The following CASK variants were observed in gnomAD, a reference collection of about 807,000 sequenced individuals.
The protein encoded by CASK is peripheral plasma membrane protein CASK.
A neutral mutation model predicts 82.9 loss-of-function variants in CASK; 4 were observed. That is an observed-to-expected ratio of 0.05 (90% CI 0.02 to 0.11). The LOEUF is 0.11. Ranked by LOEUF, CASK falls within the 10% of genes least tolerant of loss-of-function variation. The pLI is 1.00. For missense variants in CASK, 358 were observed against 720.9 expected, an observed-to-expected ratio of 0.50 and a Z score of 5.76; for synonymous variants, 259 against 253.5, an observed-to-expected ratio of 1.02 and a Z score of -0.20.
intron 14 of CASK, among the ~76,000 whole-genome samples, chrX:41,581,397 A>G (rs1423752150): frequency 9.1e-6 from 1 of 110,203 alleles, no homozygotes; most frequent in Non-Finnish European, 1.9e-5. Flanking sequence ...AAAAAAACAC[A>G]GAATTTTAAA....
intron 17 of CASK, among the ~76,000 whole-genome samples, chrX:41,560,815 CG>C (rs1203815264): frequency 1.8e-5 from 2 of 108,265 alleles, no homozygotes; most frequent in Admixed American, 2.0e-4. Context: ...CCCTTGAACT[CG>C]GGGGGCAGAG....
At position 41,531,584 on chromosome X, in the gene CASK, A is replaced by G. The variant is rs760429558; in HGVS notation, c.2318-375T>C. On this transcript the variant is annotated intron_variant, in intron 24 of 26. Coordinates refer to ENST00000378163, the MANE Select transcript of CASK (RefSeq NM_001367721.1). Reference sequence around the variant, plus strand: ...AGAAGGAAAAAAGGAGAATAAAAAAATGGAAAACTGCATATGGTTAAATTT... The same window carrying G: ...AGAAGGAAAAAAGGAGAATAAAAAAGTGGAAAACTGCATATGGTTAAATTT... Among the ~76,000 whole-genome samples, 3 of 112,551 alleles carry G rather than the reference A, an allele frequency of 2.7e-5. No individual in the cohort carries two copies. The South Asian group carries it at 1.1e-3, about 41-fold the overall frequency.
At chrX:41,907,588 C>G (rs929974661) in intron 1 of CASK, among the ~76,000 whole-genome samples, 13 of 111,566 alleles carry the variant, frequency 1.2e-4, no homozygotes, top group African/African-American at 4.2e-4. Context: ...TAAAACTCTC[C>G]CAGTAAACAT....
chrX:41,657,544 C>T, intron 8 of CASK, among the ~76,000 whole-genome samples: 1 of 110,517 alleles, frequency 9.0e-6, no homozygotes, highest in South Asian at 3.8e-4. Context: ...TTGTTTGAGA[C>T]AGAGTTTCGC....
intron 12 of CASK, among the ~76,000 whole-genome samples, chrX:41,599,490 A>C (rs758756507): frequency 2.7e-5 from 3 of 112,205 alleles, no homozygotes; most frequent in Non-Finnish European, 5.6e-5. Context: ...CTGACAGCAA[A>C]AGAACCTCTA....
chrX:41,758,686 C>T (rs1034246879), intron 3 of CASK, among the ~76,000 whole-genome samples: 5 of 111,306 alleles, frequency 4.5e-5, no homozygotes, highest in African/African-American at 1.3e-4. Flanking sequence ...GGAGCTAAGG[C>T]CTCCTCTTGC....
intron 1 of CASK, among the ~76,000 whole-genome samples, chrX:41,859,630 G>A (rs976445740): frequency 1.8e-5 from 2 of 111,740 alleles, no homozygotes; most frequent in African/African-American, 6.5e-5. Context: ...TAGTGCTGAA[G>A]GGACTGTCTA....
At chrX:41,776,603 A>G (rs1271803933) in intron 3 of CASK, among the ~76,000 whole-genome samples, 2 of 112,469 alleles carry the variant, frequency 1.8e-5, no homozygotes, top group East Asian at 5.5e-4. Context: ...GGAATTAATG[A>G]AGCCTGATGA....
chrX:41,843,570 C>T (rs2071090534), intron 2 of CASK, among the ~76,000 whole-genome samples: 1 of 111,813 alleles, frequency 8.9e-6, no homozygotes, highest in South Asian at 3.7e-4. Flanking sequence ...AATTTGTCCA[C>T]AAAGTATACA....
chrX:41,790,144 C>A, intron 2 of CASK: 1 of 790,506 alleles, frequency 1.3e-6, no homozygotes, highest in Non-Finnish European at 1.6e-6. Flanking sequence ...CAGAAGCAAA[C>A]CATCACAAAT....
rs192392690 is a variant in CASK at position 41,817,334 on chromosome X, T to G, written c.173-30051A>C. Reference sequence around the variant, plus strand: ...AAAACATTTGCTGTCATGACTTCTATTCAACATTATACTGGAGGAGACATC... The same window carrying G: ...AAAACATTTGCTGTCATGACTTCTAGTCAACATTATACTGGAGGAGACATC... On this transcript the variant is annotated intron_variant, in intron 2 of 26. Coordinates refer to ENST00000378163, the MANE Select transcript of CASK (RefSeq NM_001367721.1). Among the ~76,000 whole-genome samples the G allele has an allele frequency of 7.1e-5, 8 of 112,028 alleles. No individual in the cohort carries two copies. The East Asian group carries it at 2.2e-3, about 31-fold the overall frequency.
At chrX:41,912,571 G>A (rs2072595866) in intron 1 of CASK, among the ~76,000 whole-genome samples, 1 of 107,457 alleles carries the variant, frequency 9.3e-6, no homozygotes, top group Non-Finnish European at 1.9e-5. Context: ...GCCTTCCAAC[G>A]TGCTGGGATT....
At position 41,788,359 on chromosome X, in the gene CASK, T is replaced by C. The variant is rs190663049; in HGVS notation, c.173-1076A>G. Among the ~76,000 whole-genome samples the C allele has an allele frequency of 5.8e-4, 64 of 110,788 alleles. No individual in the cohort carries two copies. The East Asian group carries it at 0.017, about 29-fold the overall frequency. ...ATGGAAATCGCTTGCCATGTCTACA[T>C]GGAATAGAATAATGAAAGCCATCCA... On this transcript the variant is annotated intron_variant, in intron 2 of 26. Transcript: ENST00000378163.
intron 1 of CASK, among the ~76,000 whole-genome samples, chrX:41,892,122 G>A (rs1406632471): frequency 9.0e-6 from 1 of 110,746 alleles, no homozygotes; most frequent in African/African-American, 3.3e-5. Flanking sequence ...GAGCCCAGGA[G>A]GTTGAGGCTG....
chrX:41,727,429 G>GAGAA, intron 5 of CASK: 3 of 1,211,034 alleles, frequency 2.5e-6, no homozygotes, highest in Non-Finnish European at 3.4e-6. Flanking sequence ...TTCATGCTAT[G>GAGAA]AGAAAATATT....
chrX:41,770,257 C>CATCCATCT (rs2069202413), intron 3 of CASK, among the ~76,000 whole-genome samples: 1 of 86,539 alleles, frequency 1.2e-5, no homozygotes, highest in Non-Finnish European at 2.2e-5. Context: ...ATCTATCTAT[C>CATCCATCT]ATCTATCTAT....
intron 5 of CASK, among the ~76,000 whole-genome samples, chrX:41,718,658 A>AT (rs909117257): frequency 1.8e-5 from 2 of 111,369 alleles, no homozygotes; most frequent in Non-Finnish European, 3.8e-5. Context: ...TTTGTGTGTG[A>AT]TTTTTTTTCT....
At chrX:41,656,385 C>T (rs952347564) in intron 8 of CASK, among the ~76,000 whole-genome samples, 4 of 111,531 alleles carry the variant, frequency 3.6e-5, no homozygotes, top group Non-Finnish European at 7.5e-5. Context: ...CTGGACTGGG[C>T]TTTGCTTGCC....
At chrX:41,786,237 G>A (rs1436993945) in intron 3 of CASK, among the ~76,000 whole-genome samples, 1 of 111,631 alleles carries the variant, frequency 9.0e-6, no homozygotes. Flanking sequence ...CAGAGACTAA[G>A]ATAATAAATG....
Sources: gnomAD v4.1 joint callset for allele counts (sites outside exome capture counted in the v4.1 genomes callset) on GRCh38, gnomAD v4.1.1 for gene constraint, MANE v1.5 for transcripts, NCBI Gene and HGNC (gene_info 2026-07-23, HGNC 2026-07-21) for gene names.